CRB1: variants seen among roughly 807,000 people sequenced by gnomAD.
CRB1 encodes protein crumbs homolog 1.
Under a neutral mutation model 120.0 loss-of-function variants are expected in CRB1, and 83 were observed. The observed-to-expected ratio is 0.69, with a 90% CI of 0.58 to 0.83. The LOEUF is 0.83. CRB1 is among the 40% of genes least tolerant of loss of function. The pLI, the probability that CRB1 is intolerant of heterozygous loss-of-function variation, is 0.00. For synonymous variants in CRB1, 625 were observed against 612.5 expected (o/e 1.02, Z -0.30); for missense variants, 1,699 against 1,687.6 (o/e 1.01, Z -0.12).
At chr1:197,305,912 A>C (rs1447212931) in intron 1 of CRB1, among the ~76,000 whole-genome samples, 1 of 151,938 alleles carries the variant, frequency 6.6e-6, no homozygotes, top group African/African-American at 2.4e-5. Flanking sequence ...TGAAAAAAAA[A>C]AAAACAAAAA....
At chr1:197,252,659 T>C in the CRB1 span, among the ~76,000 whole-genome samples, 2 of 143,628 alleles carry the variant, frequency 1.4e-5, no homozygotes, top group Admixed American at 1.4e-4. Context: ...CACACATATA[T>C]ATAAAATAAA....
chr1:197,414,255 G>T lies in CRB1; in HGVS notation c.1172-6745G>T, dbSNP rs530824990. Among the ~76,000 whole-genome samples, 4 of 152,056 alleles carry T rather than the reference G, an allele frequency of 2.6e-5. No homozygotes were observed. The South Asian group carries it at 6.2e-4, about 24-fold the overall frequency. Reference sequence around the variant, plus strand: ...AGATCAAGATGAAACTTCCTCATTTGTATATGTCTTTGTATATATGTCTAG... The same window carrying T: ...AGATCAAGATGAAACTTCCTCATTTTTATATGTCTTTGTATATATGTCTAG... On this transcript the variant is annotated intron_variant, in intron 5 of 11. Transcript: ENST00000367400.
intron 5 of CRB1, among the ~76,000 whole-genome samples, chr1:197,396,813 T>C (rs1447568356): frequency 1.3e-5 from 2 of 152,124 alleles, no homozygotes; most frequent in Non-Finnish European, 2.9e-5. Flanking sequence ...ATGCAAAAAC[T>C]AACTCCATTA....
At chr1:197,345,022 G>A (rs1275918516) in intron 3 of CRB1, among the ~76,000 whole-genome samples, 1 of 152,110 alleles carries the variant, frequency 6.6e-6, no homozygotes, top group Non-Finnish European at 1.5e-5. Flanking sequence ...TCTATCATTG[G>A]CTTTCAGGCA....
intron 5 of CRB1, among the ~76,000 whole-genome samples, chr1:197,409,933 G>A (rs1384862482): frequency 6.6e-6 from 1 of 152,096 alleles, no homozygotes; most frequent in South Asian, 2.1e-4. Flanking sequence ...ACAGGCGCCC[G>A]CCACCATGCC....
In CRB1 at chr1:197,369,372, T is replaced by A. The variant is rs1056126634; in HGVS notation, c.1171+12359T>A. Among the ~76,000 whole-genome samples, 7 of 152,014 alleles carry A rather than the reference T, an allele frequency of 4.6e-5. No homozygotes were observed. In the East Asian group the frequency reaches 1.4e-3, roughly 29 times the overall value. On this transcript the variant is annotated intron_variant, in intron 5 of 11. Transcript: ENST00000367400. ...TCCTGCATCCCCTCCCCAACCACCA[T>A]GACACGCACATTCACCTAGAGCTTC...
chr1:197,202,599 T>C, the CRB1 span, among the ~76,000 whole-genome samples: 2 of 152,142 alleles, frequency 1.3e-5, no homozygotes, highest in Non-Finnish European at 2.9e-5. Flanking sequence ...TTGATGGAAA[T>C]GTGTTTTTAT....
chr1:197,302,071 G>T (rs1656897653), intron 1 of CRB1, among the ~76,000 whole-genome samples: 1 of 152,158 alleles, frequency 6.6e-6, no homozygotes, highest in East Asian at 1.9e-4. Context: ...AGCACAGCAT[G>T]TTACAAAGAA....
chr1:197,343,304 A>T (rs2786104), intron 2 of CRB1, among the ~76,000 whole-genome samples: 35,052 of 152,082 alleles, frequency 0.23, 7,736 homozygotes, highest in African/African-American at 0.58. Context: ...ATAAGTATAG[A>T]TATTCTTCCT....
At chr1:197,209,071 T>C in the CRB1 span, among the ~76,000 whole-genome samples, 2,149 of 152,252 alleles carry the variant, frequency 0.014, 52 homozygotes, top group African/African-American at 0.046. Flanking sequence ...CTCACTTCCA[T>C]CATGCCCTGC....
chr1:197,203,176 A>C, the CRB1 span, among the ~76,000 whole-genome samples: 4 of 152,228 alleles, frequency 2.6e-5, no homozygotes, highest in African/African-American at 9.6e-5. Flanking sequence ...TTTTTTAAAA[A>C]TCTCAAGCAA....
chr1:197,315,163 C>T (rs1657766214), intron 1 of CRB1, among the ~76,000 whole-genome samples: 1 of 152,150 alleles, frequency 6.6e-6, no homozygotes. Context: ...TGCTCAGTTC[C>T]CAAAAATAGA....
At chr1:197,203,628 T>C in the CRB1 span, among the ~76,000 whole-genome samples, 2 of 152,152 alleles carry the variant, frequency 1.3e-5, no homozygotes, top group Non-Finnish European at 2.9e-5. Flanking sequence ...ACTGGCCTAC[T>C]TGACATTTTA....
chr1:197,218,846 A>G, the CRB1 span, among the ~76,000 whole-genome samples: 2 of 152,346 alleles, frequency 1.3e-5, no homozygotes, highest in Middle Eastern at 3.4e-3. Flanking sequence ...AGGAAAAACA[A>G]TATCCTCAGG....
chr1:197,240,445 T>C, the CRB1 span, among the ~76,000 whole-genome samples: 1 of 152,062 alleles, frequency 6.6e-6, no homozygotes. Context: ...TCAACTCCCA[T>C]TTATGAGTGA....
chr1:197,409,671 G>C (rs373277390), intron 5 of CRB1, among the ~76,000 whole-genome samples: 4 of 152,170 alleles, frequency 2.6e-5, no homozygotes, highest in Non-Finnish European at 5.9e-5. Context: ...TTCATCATCT[G>C]TGAAATGCAG....
chr1:197,354,482 C>T (rs572112014), intron 4 of CRB1, among the ~76,000 whole-genome samples: 263 of 152,206 alleles, frequency 1.7e-3, no homozygotes, highest in Admixed American at 5.9e-3. Context: ...AGAGTTTCTT[C>T]TTTCTGGTGG....
At chr1:197,422,075 G>A (rs1664365414) in intron 6 of CRB1, 119 bp downstream of exon 6, 2 of 888,540 alleles carry the variant, frequency 2.3e-6, no homozygotes, top group Admixed American at 4.4e-5. Flanking sequence ...CAAGACTTCT[G>A]CTGCTGGTTG....
In CRB1 at chr1:197,435,137, G is replaced by A. The variant is rs1402562231; in HGVS notation, c.3274G>A (p.Gly1092Ser). The A allele has an allele frequency of 1.2e-6, 2 of 1,613,808 alleles. No individual in the cohort carries two copies. The highest frequency in any genetic ancestry group is 1.7e-5 in the Admixed American group (1 of 59,954). Residue 1092 changes from glycine (G) to serine (S), a missense_variant, in exon 9 of 12, where the codon GGC (glycine) becomes AGC (serine). Transcript: ENST00000367400. ...VGDRAIDNIK[G>S]LQGCLSTIEI... ...AGACAGAGCTATTGACAATATAAAG[G>A]GCCTGCAAGGGTGTCTAAGTACAAT...
Sources: allele counts gnomAD v4.1 joint callset (sites outside exome capture counted in the v4.1 genomes callset), GRCh38; gene constraint gnomAD v4.1.1; transcripts MANE v1.5; gene names NCBI Gene and HGNC (gene_info 2026-07-23, HGNC 2026-07-21).